Variants in GPC6 observed in about 807,000 individuals in gnomAD.
GPC6 encodes glypican 6, also known as glypican-6.
A neutral mutation model predicts 55.2 loss-of-function variants in GPC6; 14 were observed. The observed-to-expected ratio is 0.25, with a 90% confidence interval of 0.17 to 0.40. The LOEUF (loss-of-function observed/expected upper bound fraction) is 0.40. Ranked by LOEUF, GPC6 falls within the 10% of genes least tolerant of loss-of-function variation. The pLI, the probability that GPC6 is intolerant of heterozygous loss-of-function variation, is 1.00. For synonymous variants in GPC6, 278 were observed against 259.6 expected, an observed-to-expected ratio of 1.07 and a Z score of -0.68; for missense variants, 641 against 708.5, an observed-to-expected ratio of 0.90 and a Z score of 1.08.
chr13:93,650,099 G>A (rs1880340885), intron 2 of GPC6, among the ~76,000 whole-genome samples: 1 of 152,050 alleles, frequency 6.6e-6, no homozygotes, highest in South Asian at 2.1e-4. Context: ...CCAAATACAT[G>A]GATCCTCAAA....
intron 1 of GPC6, among the ~76,000 whole-genome samples, chr13:93,393,992 A>G (rs1246553908): frequency 6.6e-6 from 1 of 152,078 alleles, no homozygotes; most frequent in Admixed American, 6.5e-5. Context: ...TCTTTATGAC[A>G]TTTTCATTTT....
intron 1 of GPC6, among the ~76,000 whole-genome samples, chr13:93,376,010 T>C (rs2139197343): frequency 6.6e-6 from 1 of 151,670 alleles, no homozygotes; most frequent in Middle Eastern, 3.5e-3. Context: ...TACCTCAGAG[T>C]CCAGTTGGTT....
chr13:94,262,692 G>A (rs539506855), intron 4 of GPC6, among the ~76,000 whole-genome samples: 27 of 140,102 alleles, frequency 1.9e-4, no homozygotes, highest in African/African-American at 5.7e-4. Context: ...AAAAAAAAAA[G>A]GAGTGAATCA....
intron 1 of GPC6, among the ~76,000 whole-genome samples, chr13:93,459,360 C>G (rs1207009937): frequency 6.6e-6 from 1 of 152,254 alleles, no homozygotes; most frequent in Non-Finnish European, 1.5e-5. Context: ...GCCAACATGT[C>G]TGGCCTAAAA....
intron 4 of GPC6, among the ~76,000 whole-genome samples, chr13:94,170,986 G>A (rs1296505936): frequency 6.6e-6 from 1 of 152,162 alleles, no homozygotes; most frequent in Non-Finnish European, 1.5e-5. Flanking sequence ...TTAAGACGTT[G>A]GCTCTTTAGT....
chr13:93,919,721 T>C (rs575743539), intron 3 of GPC6, among the ~76,000 whole-genome samples: 1 of 152,236 alleles, frequency 6.6e-6, no homozygotes, highest in Admixed American at 6.5e-5. Context: ...ATGCTGATAT[T>C]CCTGTGTCCA....
intron 2 of GPC6, among the ~76,000 whole-genome samples, chr13:93,558,850 A>T (rs1875612164): frequency 6.6e-6 from 1 of 152,210 alleles, no homozygotes; most frequent in Non-Finnish European, 1.5e-5. Flanking sequence ...AATATGCTCA[A>T]GTGGTTCCGT....
chr13:93,479,023 C>G (rs1879401940), intron 1 of GPC6, among the ~76,000 whole-genome samples: 1 of 152,158 alleles, frequency 6.6e-6, no homozygotes, highest in South Asian at 2.1e-4. Flanking sequence ...GTGAACAAAC[C>G]ATAAAGAATT....
intron 4 of GPC6, among the ~76,000 whole-genome samples, chr13:94,202,884 A>G (rs868147462): frequency 2.0e-5 from 3 of 152,060 alleles, no homozygotes; most frequent in Non-Finnish European, 4.4e-5. Context: ...CCCTAAGAAC[A>G]TGGTTCATTT....
intron 1 of GPC6, among the ~76,000 whole-genome samples, chr13:93,505,448 CACAGAG>C (rs1485379604): frequency 6.6e-6 from 1 of 152,056 alleles, no homozygotes; most frequent in African/African-American, 2.4e-5. Flanking sequence ...CACACACACA[CACAGAG>C]ACAGAGAGAG....
chr13:93,978,471 C>G (rs190190042), intron 3 of GPC6, among the ~76,000 whole-genome samples: 199 of 152,224 alleles, frequency 1.3e-3, no homozygotes, highest in Non-Finnish European at 1.7e-3. Context: ...AAAACACAGT[C>G]TCCAAATATA....
intron 1 of GPC6, among the ~76,000 whole-genome samples, chr13:93,255,034 G>T (rs1876907626): frequency 6.6e-6 from 1 of 152,230 alleles, no homozygotes; most frequent in Non-Finnish European, 1.5e-5. Context: ...AGGAGCCTGT[G>T]CCTCGCCAGT....
chr13:93,551,804 G>A (rs1212219096), intron 2 of GPC6, among the ~76,000 whole-genome samples: 2 of 151,968 alleles, frequency 1.3e-5, no homozygotes, highest in East Asian at 3.9e-4. Flanking sequence ...AGATTCCCTA[G>A]GAATTCAAGA....
intron 4 of GPC6, among the ~76,000 whole-genome samples, chr13:94,099,190 A>G (rs1007902603): frequency 6.6e-6 from 1 of 152,182 alleles, no homozygotes; most frequent in South Asian, 2.1e-4. Context: ...TCTTATGGAC[A>G]TATTTTCCTA....
chr13:93,852,027 A>G (rs1888420528), intron 3 of GPC6, among the ~76,000 whole-genome samples: 1 of 151,806 alleles, frequency 6.6e-6, no homozygotes, highest in Non-Finnish European at 1.5e-5. Flanking sequence ...ATAGAGGTGA[A>G]AAAAGCAAAA....
chr13:94,042,134 G>A (rs1382956903), intron 4 of GPC6, among the ~76,000 whole-genome samples: 1 of 151,584 alleles, frequency 6.6e-6, no homozygotes, highest in Non-Finnish European at 1.5e-5. Flanking sequence ...CTGAGATTTG[G>A]TTGTTTAAAA....
chr13:94,224,274 T>C (rs1890479603), intron 4 of GPC6, among the ~76,000 whole-genome samples: 1 of 148,046 alleles, frequency 6.8e-6, no homozygotes. Flanking sequence ...TATATATATA[T>C]ATATATATAT....
chr13:93,722,632 A>G (rs943508576), intron 2 of GPC6, among the ~76,000 whole-genome samples: 8 of 151,896 alleles, frequency 5.3e-5, no homozygotes. Flanking sequence ...TACATATTGT[A>G]TTCAATTCCT....
intron 1 of GPC6, among the ~76,000 whole-genome samples, chr13:93,278,343 G>C (rs763727090): frequency 6.6e-6 from 1 of 152,030 alleles, no homozygotes; most frequent in African/African-American, 2.4e-5. Flanking sequence ...GATACTATTA[G>C]GTATATCCGC....
Sources: allele counts gnomAD v4.1 joint callset (sites outside exome capture counted in the v4.1 genomes callset), GRCh38; gene constraint gnomAD v4.1.1; transcripts MANE v1.5; gene names NCBI Gene and HGNC (gene_info 2026-07-23, HGNC 2026-07-21).